TSPAN12: variants seen among roughly 807,000 people sequenced by gnomAD.
The protein encoded by TSPAN12 is tetraspanin-12.
In TSPAN12, 19 loss-of-function variants were observed where a neutral mutation model predicts 39.2. The observed-to-expected ratio is 0.49, with a 90% CI of 0.34 to 0.71. The LOEUF (loss-of-function observed/expected upper bound fraction) is 0.71. TSPAN12 is among the 30% of genes least tolerant of loss of function. The pLI, the probability that TSPAN12 is intolerant of heterozygous loss-of-function variation, is 0.01. For synonymous variants in TSPAN12, 119 were observed against 124.8 expected (o/e 0.95, Z 0.31); for missense variants, 314 against 359.9 (o/e 0.87, Z 1.03).
At chr7:120,803,995 CT>C (rs1562939826) in intron 7 of TSPAN12, among the ~76,000 whole-genome samples, 1 of 152,096 alleles carries the variant, frequency 6.6e-6, no homozygotes, top group Non-Finnish European at 1.5e-5. Context: ...CATATTCAGA[CT>C]TTATGGGAAG....
rs1793436500 is a variant in TSPAN12, at chr7:120,787,771, A to G, written c.*821T>C. ...CTAAAGACCAGACTACATTCTGAAT[A>G]ATGATTCCTATGTATCACACTGGTA... On this transcript the variant is annotated 3_prime_UTR_variant, in exon 8 of 8. Coordinates refer to ENST00000222747, the MANE Select transcript of TSPAN12 (RefSeq NM_012338.4). 1 of 152,318 alleles carries G rather than the reference A, an allele frequency of 6.6e-6. No individual in the cohort carries two copies. The highest frequency in any genetic ancestry group is 1.5e-5 in the Non-Finnish European group (1 of 68,022). The allele number at this position is 152,318 out of a possible 1,614,324, so 9.4% of individuals were successfully genotyped here.
At position 120,789,519 on chromosome 7, in the gene TSPAN12, T is replaced by C. The variant is rs188997142; in HGVS notation, c.613-622A>G. On this transcript the variant is annotated intron_variant, in intron 7 of 7. Transcript: ENST00000222747. ...ACATACATTCTGTGGGAAACTAACA[T>C]AGACATCACAAAGACAACTCACCAA... Among the ~76,000 whole-genome samples, 623 of 152,304 alleles carry C rather than the reference T, an allele frequency of 4.1e-3. 2 individuals carry two copies. Among genetic ancestry groups the C allele is most frequent in the African/African-American group, 0.014 (583 of 41,554 alleles).
intron 4 of TSPAN12, among the ~76,000 whole-genome samples, chr7:120,832,402 C>T (rs1205870297): frequency 6.6e-6 from 1 of 152,254 alleles, no homozygotes; most frequent in Admixed American, 6.5e-5. Flanking sequence ...ACCAACACCA[C>T]AGCCACTCTG....
intron 4 of TSPAN12, among the ~76,000 whole-genome samples, chr7:120,828,945 G>GA (rs1794339985): frequency 1.3e-5 from 2 of 151,786 alleles, no homozygotes; most frequent in African/African-American, 4.8e-5. Flanking sequence ...TAAATCTTTA[G>GA]AATTGTATTC....
At chr7:120,838,293 AAAC>A (rs1474209569) in intron 4 of TSPAN12, among the ~76,000 whole-genome samples, 1 of 152,226 alleles carries the variant, frequency 6.6e-6, no homozygotes, top group East Asian at 1.9e-4. Context: ...AGAGTTAAAA[AAAC>A]AACAACCAAG....
chr7:120,813,744 A>G lies in TSPAN12; in HGVS notation c.360+1985T>C, dbSNP rs185011000. Among the ~76,000 whole-genome samples the G allele has an allele frequency of 2.3e-4, 35 of 152,338 alleles. 1 individual carries two copies. Among genetic ancestry groups the G allele is most frequent in the South Asian group, 1.5e-3 (7 of 4,824 alleles). ...TATGGCTTAAATGTCAAGGAGACAC[A>G]TTTATCATTTGAAAACAGAAAAAAA... On this transcript the variant is annotated intron_variant, in intron 5 of 7. Transcript: ENST00000222747.
chr7:120,796,423 T>C (rs1793631094), intron 7 of TSPAN12, among the ~76,000 whole-genome samples: 1 of 152,242 alleles, frequency 6.6e-6, no homozygotes, highest in African/African-American at 2.4e-5. Flanking sequence ...CAATAAATTT[T>C]CTACTTACTT....
chr7:120,826,232 C>T (rs941795196), intron 4 of TSPAN12, among the ~76,000 whole-genome samples: 1 of 152,114 alleles, frequency 6.6e-6, no homozygotes. Context: ...GGGTTTGCTT[C>T]ATGTGATGTT....
chr7:120,856,861 G>C (rs1466685507), intron 1 of TSPAN12, 28 bp from the exon 2 acceptor site: 9 of 1,302,156 alleles, frequency 6.9e-6, no homozygotes, highest in South Asian at 2.4e-5. Flanking sequence ...GAGAGAACAC[G>C]GGACATCTCA....
intron 4 of TSPAN12, among the ~76,000 whole-genome samples, chr7:120,831,586 T>C (rs1562948789): frequency 6.6e-6 from 1 of 151,982 alleles, no homozygotes; most frequent in African/African-American, 2.4e-5. Context: ...ATGTGGAACC[T>C]AAAAAGTGTT....
intron 2 of TSPAN12, among the ~76,000 whole-genome samples, chr7:120,845,661 C>G (rs1794656942): frequency 6.6e-6 from 1 of 152,162 alleles, no homozygotes; most frequent in Admixed American, 6.5e-5. Context: ...CAAGAGTGAC[C>G]TTTATTCCAG....
intron 4 of TSPAN12, among the ~76,000 whole-genome samples, chr7:120,836,598 TG>T (rs1488796937): frequency 6.6e-6 from 1 of 152,204 alleles, no homozygotes; most frequent in Admixed American, 6.5e-5. Context: ...TAGCACCCAG[TG>T]CAAACCCTAT....
intron 4 of TSPAN12, among the ~76,000 whole-genome samples, chr7:120,822,451 C>T (rs2116409888): frequency 6.6e-6 from 1 of 151,998 alleles, no homozygotes; most frequent in Middle Eastern, 3.4e-3. Flanking sequence ...GGCATAATCC[C>T]AGGGAAAACT....
chr7:120,837,381 G>A (rs1485625820), intron 4 of TSPAN12, among the ~76,000 whole-genome samples: 9 of 149,884 alleles, frequency 6.0e-5, no homozygotes, highest in Non-Finnish European at 7.4e-5. Flanking sequence ...ACGTGATCTC[G>A]GCTCACTGCA....
At chr7:120,793,363 T>C (rs112000612) in intron 7 of TSPAN12, among the ~76,000 whole-genome samples, 4,018 of 152,306 alleles carry the variant, frequency 0.026, 140 homozygotes, top group African/African-American at 0.023. Flanking sequence ...AGACATGCAA[T>C]TGTATTGACA....
intron 4 of TSPAN12, among the ~76,000 whole-genome samples, chr7:120,825,604 CT>C (rs1794270837): frequency 6.6e-6 from 1 of 152,148 alleles, no homozygotes; most frequent in Admixed American, 6.5e-5. Context: ...ACTCTGCAAA[CT>C]TTCTGTGCTA....
intron 2 of TSPAN12, among the ~76,000 whole-genome samples, chr7:120,850,041 G>C (rs1794741546): frequency 6.6e-6 from 1 of 152,204 alleles, no homozygotes; most frequent in Admixed American, 6.5e-5. Flanking sequence ...CCCTCTACCA[G>C]GGGAAGGGCA....
At chr7:120,846,495 T>C (rs1198132268) in intron 2 of TSPAN12, among the ~76,000 whole-genome samples, 1 of 152,098 alleles carries the variant, frequency 6.6e-6, no homozygotes, top group African/African-American at 2.4e-5. Context: ...TTACTACATA[T>C]AGGTCTTCCA....
intron 2 of TSPAN12, among the ~76,000 whole-genome samples, chr7:120,842,719 A>G (rs915501895): frequency 6.6e-6 from 1 of 152,118 alleles, no homozygotes; most frequent in Non-Finnish European, 1.5e-5. Flanking sequence ...AAATGTCTGA[A>G]CTATTTTCTT....
Sources: gnomAD v4.1 joint callset for allele counts (sites outside exome capture counted in the v4.1 genomes callset) on GRCh38, gnomAD v4.1.1 for gene constraint, MANE v1.5 for transcripts, NCBI Gene and HGNC (gene_info 2026-07-23, HGNC 2026-07-21) for gene names.